Variants in CYP7B1 observed in about 807,000 individuals in gnomAD.
CYP7B1 encodes cytochrome P450 7B1.
CYP7B1 carries 29 observed loss-of-function variants against 42.7 expected under a neutral mutation model. The observed-to-expected ratio is 0.68, with a 90% CI of 0.51 to 0.93. The LOEUF (loss-of-function observed/expected upper bound fraction) is 0.93. CYP7B1 is among the 40% of genes least tolerant of loss of function. CYP7B1 has a pLI of 0.00. For missense variants in CYP7B1, 655 were observed against 600.5 expected (o/e 1.09, Z -0.95); for synonymous variants, 235 against 218.2 (o/e 1.08, Z -0.68).
intron 1 of CYP7B1, among the ~76,000 whole-genome samples, chr8:64,777,169 T>C (rs985745377): frequency 3.7e-5 from 5 of 136,724 alleles, no homozygotes; most frequent in African/African-American, 3.0e-5. Context: ...GGTAGGGTCA[T>C]TTTGTAAAAA....
At chr8:64,677,368 CA>C (rs1806462059) in intron 1 of CYP7B1, among the ~76,000 whole-genome samples, 1 of 126,968 alleles carries the variant, frequency 7.9e-6, no homozygotes, top group South Asian at 2.4e-4. Context: ...ATTTAAATAA[CA>C]GCTAATAAGA....
intron 1 of CYP7B1, among the ~76,000 whole-genome samples, chr8:64,755,099 G>A (rs1419376751): frequency 6.6e-6 from 1 of 152,188 alleles, no homozygotes; most frequent in Non-Finnish European, 1.5e-5. Flanking sequence ...GTAAGTTCAT[G>A]GCAGACCTGA....
chr8:64,756,237 A>G (rs980434730), intron 1 of CYP7B1, among the ~76,000 whole-genome samples: 1 of 152,132 alleles, frequency 6.6e-6, no homozygotes, highest in African/African-American at 2.4e-5. Context: ...TTTGGGTTTT[A>G]TGTCCAATGA....
At chr8:64,643,130 T>TATATATACATATATACATATATATAC (rs1805887182) in intron 1 of CYP7B1, among the ~76,000 whole-genome samples, 2 of 131,120 alleles carry the variant, frequency 1.5e-5, no homozygotes, top group African/African-American at 5.7e-5. Flanking sequence ...CATATATACA[T>TATATATACATATATACATATATATAC]ATATATACAT....
In CYP7B1 at chr8:64,592,651, G is replaced by A. The variant is rs77576509; in HGVS notation, c.*3991C>T. On this transcript the variant is annotated 3_prime_UTR_variant, in exon 6 of 6. Transcript: ENST00000310193. ...AATACACAAGAGCAATTTTTTAAAG[G>A]CACAACACTGTTGAAGTATCTTCAT... Among the ~76,000 whole-genome samples, 95 of 152,126 alleles carry A rather than the reference G, an allele frequency of 6.2e-4. No homozygotes were observed. The highest frequency in any genetic ancestry group is 8.5e-4 in the Admixed American group (13 of 15,280).
intron 4 of CYP7B1, among the ~76,000 whole-genome samples, chr8:64,608,332 A>C (rs1403279674): frequency 6.6e-6 from 1 of 152,238 alleles, no homozygotes; most frequent in African/African-American, 2.4e-5. Context: ...GCTTATGACA[A>C]TCAATAATGC....
At chr8:64,711,518 C>T (rs1807079410) in intron 1 of CYP7B1, among the ~76,000 whole-genome samples, 1 of 152,074 alleles carries the variant, frequency 6.6e-6, no homozygotes, top group African/African-American at 2.4e-5. Flanking sequence ...GAAATGAGTC[C>T]CTGCCTTAAA....
chr8:64,629,473 A>C (rs1805657624), intron 1 of CYP7B1, among the ~76,000 whole-genome samples: 1 of 152,214 alleles, frequency 6.6e-6, no homozygotes, highest in South Asian at 2.1e-4. Flanking sequence ...TATATGTAAC[A>C]GTGCCTTAGT....
intron 1 of CYP7B1, among the ~76,000 whole-genome samples, chr8:64,697,184 C>T (rs575095074): frequency 1.3e-5 from 2 of 152,234 alleles, no homozygotes; most frequent in South Asian, 2.1e-4. Context: ...CTGGCAGGTT[C>T]TGTGTTAGGT....
At chr8:64,787,356 C>T (rs1804544874) in intron 1 of CYP7B1, among the ~76,000 whole-genome samples, 2 of 152,222 alleles carry the variant, frequency 1.3e-5, no homozygotes, top group African/African-American at 4.8e-5. Flanking sequence ...TAGATCATCT[C>T]TTCCAAGTTC....
intron 1 of CYP7B1, among the ~76,000 whole-genome samples, chr8:64,756,321 G>C (rs1315936770): frequency 6.6e-6 from 1 of 152,174 alleles, no homozygotes; most frequent in East Asian, 1.9e-4. Context: ...GTCTTTAATT[G>C]GGTACATATT....
Position 64,596,655 on chromosome 8 carries a change from T to G in CYP7B1, c.1508A>C (p.Lys503Thr), listed in dbSNP as rs773406028. Residue 503 changes from lysine to threonine, a missense_variant, in exon 6 of 6, where the codon AAA becomes ACA. Transcript: ENST00000310193. ...YPDSDVLFRYKVKS is the reference protein window; with the variant it reads ...YPDSDVLFRYTVKS ...CTTTTAGCTTCTCTAAGATTTCACT[T>G]TGTATCTAAATAAAACATCAGAATC... 1 of 1,612,818 alleles carries G rather than the reference T, an allele frequency of 6.2e-7. No individual in the cohort carries two copies. The highest frequency in any genetic ancestry group is 8.5e-7 in the Non-Finnish European group (1 of 1,179,366).
chr8:64,615,598 A>C (rs1332646717), intron 3 of CYP7B1, 93 bp downstream of exon 3: 1 of 1,233,804 alleles, frequency 8.1e-7, no homozygotes, highest in Middle Eastern at 1.9e-4. Context: ...AAAGAGCATA[A>C]AAAATTTTCA....
intron 1 of CYP7B1, among the ~76,000 whole-genome samples, chr8:64,647,293 T>C (rs1343642868): frequency 6.6e-6 from 1 of 151,864 alleles, no homozygotes. Flanking sequence ...CACAGATCAC[T>C]GAAAAAGGTA....
intron 1 of CYP7B1, among the ~76,000 whole-genome samples, chr8:64,763,364 C>G (rs1807919364): frequency 6.6e-6 from 1 of 152,168 alleles, no homozygotes; most frequent in Non-Finnish European, 1.5e-5. Context: ...TCCATGAGGC[C>G]AAGAACCCCA....
chr8:64,761,346 C>CA (rs1386316238), intron 1 of CYP7B1, among the ~76,000 whole-genome samples: 2 of 151,864 alleles, frequency 1.3e-5, no homozygotes, highest in Non-Finnish European at 2.9e-5. Context: ...GCTCTCACTG[C>CA]AAAAAATTGT....
intron 1 of CYP7B1, among the ~76,000 whole-genome samples, chr8:64,632,853 A>T (rs1268761011): frequency 6.6e-6 from 1 of 152,190 alleles, no homozygotes; most frequent in African/African-American, 2.4e-5. Context: ...GCAGTAAGAT[A>T]GAAAATGAAA....
intron 1 of CYP7B1, chr8:64,728,099 T>C (rs956428956): frequency 1.3e-5 from 2 of 152,230 alleles, no homozygotes; most frequent in Admixed American, 1.3e-4. Context: ...CATGCATAAC[T>C]CTTCATCCCT....
At chr8:64,790,483 G>A (rs187676584) in intron 1 of CYP7B1, among the ~76,000 whole-genome samples, 1 of 152,292 alleles carries the variant, frequency 6.6e-6, no homozygotes, top group Non-Finnish European at 1.5e-5. Flanking sequence ...AGATCAATGT[G>A]TTTTAGTAGG....
Sources: gnomAD v4.1 joint callset for allele counts (sites outside exome capture counted in the v4.1 genomes callset) on GRCh38, gnomAD v4.1.1 for gene constraint, MANE v1.5 for transcripts, NCBI Gene and HGNC (gene_info 2026-07-23, HGNC 2026-07-21) for gene names.